Variants in SPTBN4 observed in about 807,000 individuals in gnomAD.
SPTBN4 encodes the protein spectrin beta, non-erythrocytic 4.
SPTBN4 carries 96 observed loss-of-function variants against 277.8 expected under a neutral mutation model. The ratio of observed to expected loss-of-function variants is 0.35; its 90% CI spans 0.29 to 0.41. The LOEUF is 0.41. Ranked by LOEUF, SPTBN4 falls within the 10% of genes least tolerant of loss-of-function variation. The pLI is 1.00. For synonymous variants in SPTBN4, 1,481 were observed against 1,580.3 expected, an observed-to-expected ratio of 0.94 and a Z score of 1.49; for missense variants, 3,006 against 3,595.7, an observed-to-expected ratio of 0.84 and a Z score of 4.19.
chr19:40,561,820 C>T (rs577777510), intron 27 of SPTBN4, among the ~76,000 whole-genome samples: 1 of 138,754 alleles, frequency 7.2e-6, no homozygotes, highest in Non-Finnish European at 1.5e-5. Context: ...AAAACTCCGT[C>T]TCAAAAAAAA....
intron 1 of SPTBN4, among the ~76,000 whole-genome samples, chr19:40,471,655 CT>C (rs2079885050): frequency 6.6e-6 from 1 of 152,188 alleles, no homozygotes; most frequent in Non-Finnish European, 1.5e-5. Context: ...TCACTGTAGC[CT>C]TGGCTTCTTG....
intron 2 of SPTBN4, among the ~76,000 whole-genome samples, chr19:40,486,411 C>G (rs2080072921): frequency 6.6e-6 from 1 of 151,716 alleles, no homozygotes; most frequent in South Asian, 2.1e-4. Context: ...GCTCTGTCAC[C>G]CTTGCTGGAG....
chr19:40,497,303 A>G, intron 6 of SPTBN4, 186 bp from the exon 7 acceptor site: 1 of 592,592 alleles, frequency 1.7e-6, no homozygotes, highest in Non-Finnish European at 3.0e-6. Flanking sequence ...GCACAGAGAC[A>G]TGCCCGCGTC....
intron 35 of SPTBN4, 193 bp downstream of exon 35, chr19:40,572,573 A>G: frequency 3.2e-6 from 2 of 630,974 alleles, no homozygotes; most frequent in Non-Finnish European, 5.5e-6. Flanking sequence ...GAAGGGCTTC[A>G]GGGAGGGCTG....
At chr19:40,508,499 C>T (rs2080354766) in intron 13 of SPTBN4, among the ~76,000 whole-genome samples, 1 of 152,122 alleles carries the variant, frequency 6.6e-6, no homozygotes, top group African/African-American at 2.4e-5. Flanking sequence ...CCAGCCTGGC[C>T]AACATGGTGA....
intron 20 of SPTBN4, among the ~76,000 whole-genome samples, chr19:40,538,773 G>C (rs2080766821): frequency 1.3e-5 from 2 of 152,128 alleles, no homozygotes; most frequent in Admixed American, 1.3e-4. Context: ...GTATTTTATA[G>C]AGACGGGGGC....
chr19:40,474,888 G>A (rs1426782986), intron 2 of SPTBN4, among the ~76,000 whole-genome samples: 11 of 151,884 alleles, frequency 7.2e-5, no homozygotes, highest in East Asian at 3.9e-4. Flanking sequence ...GCTTAACTCC[G>A]TCTCAAAACA....
chr19:40,496,458 T>C (rs1467397036), intron 6 of SPTBN4, among the ~76,000 whole-genome samples: 1 of 151,670 alleles, frequency 6.6e-6, no homozygotes, highest in Non-Finnish European at 1.5e-5. Flanking sequence ...CTAATTTTGT[T>C]TGTTTAGTGG....
chr19:40,568,881 A>C (rs1197509436), intron 31 of SPTBN4, among the ~76,000 whole-genome samples: 1 of 152,128 alleles, frequency 6.6e-6, no homozygotes, highest in Non-Finnish European at 1.5e-5. Context: ...TGACTTCTTG[A>C]TTCTTTTTAA....
intron 6 of SPTBN4, among the ~76,000 whole-genome samples, chr19:40,496,097 A>G (rs561082767): frequency 3.3e-5 from 5 of 152,286 alleles, no homozygotes; most frequent in African/African-American, 1.2e-4. Context: ...AACATTCAAT[A>G]GTCAATGTAT....
rs550697431 is a variant in SPTBN4 at position 40,574,987 on chromosome 19, C to T, written c.7537-424C>T. On this transcript the variant is annotated intron_variant, in intron 35 of 35. Transcript: ENST00000598249. Reference sequence around the variant, plus strand: ...CTGACATCGAGCCATTGCACTCCAGCCTGGGGGACAGAGCAAGACTCTGTC... The same window carrying T: ...CTGACATCGAGCCATTGCACTCCAGTCTGGGGGACAGAGCAAGACTCTGTC... Among the ~76,000 whole-genome samples, 14 of 148,228 alleles carry T rather than the reference C, an allele frequency of 9.4e-5. No homozygotes were observed. The South Asian group carries it at 2.3e-3, about 25-fold the overall frequency.
intron 33 of SPTBN4, 130 bp from the exon 34 acceptor site, chr19:40,571,889 T>TA (rs927345780): frequency 4.0e-5 from 43 of 1,079,832 alleles, no homozygotes; most frequent in Non-Finnish European, 5.5e-5. Context: ...TAGGTCCAAC[T>TA]AGGGCGCAAC....
chr19:40,502,674 C>T lies in SPTBN4; in HGVS notation c.1204-101C>T. 2 of 1,515,600 alleles carry T rather than the reference C, an allele frequency of 1.3e-6. No homozygotes were observed. The highest frequency in any genetic ancestry group is 1.8e-6 in the Non-Finnish European group (2 of 1,127,824). The allele number at this position is 1,515,600 out of a possible 1,614,324, so 93.9% of individuals were successfully genotyped here. ...AGGAAGCAATATTTTTTCCAATTTG[C>T]ATGAAGTTGCCATAATGCTATGAGT... On this transcript the variant is annotated intron_variant, in intron 10 of 35. Transcript: ENST00000598249. This position sits in a 1 kb window ranked among gnomAD's most constrained non-coding sequence, Gnocchi z 4.9.
intron 2 of SPTBN4, among the ~76,000 whole-genome samples, chr19:40,476,345 CAAA>C (rs60942038): frequency 8.7e-5 from 10 of 115,516 alleles, no homozygotes; most frequent in Admixed American, 1.0e-4. Context: ...AACTCTGTCT[CAAA>C]AAAAAAAAAA....
At chr19:40,505,032 G>T (rs2080309428) in intron 12 of SPTBN4, among the ~76,000 whole-genome samples, 1 of 147,934 alleles carries the variant, frequency 6.8e-6, no homozygotes, top group Admixed American at 6.8e-5. Flanking sequence ...CAGGAAGATG[G>T]AATCAATTTA....
At chr19:40,526,016 G>T (rs754968547) in intron 17 of SPTBN4, among the ~76,000 whole-genome samples, 15 of 152,142 alleles carry the variant, frequency 9.9e-5, no homozygotes, top group Non-Finnish European at 2.2e-4. Flanking sequence ...CCGCCAAGGG[G>T]GCAGAGCCAT....
chr19:40,541,086 G>A (rs1269600451), intron 20 of SPTBN4, among the ~76,000 whole-genome samples: 1 of 152,108 alleles, frequency 6.6e-6, no homozygotes, highest in Non-Finnish European at 1.5e-5. Context: ...GTGTGTATTT[G>A]TATTTTTTTC....
intron 13 of SPTBN4, among the ~76,000 whole-genome samples, chr19:40,508,513 C>T (rs533625031): frequency 1.3e-5 from 2 of 152,234 alleles, no homozygotes; most frequent in South Asian, 4.1e-4. Flanking sequence ...ATGGTGAAAC[C>T]CCATCCCTAC....
chr19:40,556,085 G>T lies in SPTBN4; in HGVS notation c.5086G>T (p.Glu1696Ter). Reference sequence around the variant, plus strand: ...CTGCCCCTCCATGTCCCCCTTCAGCGAGCAGATCAGCCGGCGGCAGTCTCA... The same window carrying T: ...CTGCCCCTCCATGTCCCCCTTCAGCTAGCAGATCAGCCGGCGGCAGTCTCA... ...ALLEMGHPDSEQISRRQSQVD... is the reference protein window; with the variant it reads ...ALLEMGHPDS The change falls in exon 25 of 36, where the codon GAG becomes TAG. Residue 1696 changes from glutamate (E) to a stop codon, truncating the protein, a stop_gained and splice_region_variant. Transcript: ENST00000598249. LOFTEE classifies it high-confidence loss of function. 2 of 1,609,880 alleles carry T rather than the reference G, an allele frequency of 1.2e-6. No individual in the cohort carries two copies. The highest frequency in any genetic ancestry group is 2.2e-5 in the South Asian group (2 of 90,738).
Sources: gnomAD v4.1 joint callset for allele counts (sites outside exome capture counted in the v4.1 genomes callset) on GRCh38, gnomAD v4.1.1 for gene constraint, Gnocchi (gnomAD v3.1) non-coding constraint, MANE v1.5 for transcripts, NCBI Gene and HGNC (gene_info 2026-07-23, HGNC 2026-07-21) for gene names.